LUZP2: variants seen among roughly 807,000 people sequenced by gnomAD.
LUZP2 encodes leucine zipper protein 2.
In LUZP2, 52 loss-of-function variants were observed where a neutral mutation model predicts 51.6. The ratio of observed to expected loss-of-function variants is 1.01; its 90% confidence interval spans 0.81 to 1.27. LUZP2 has a LOEUF of 1.27. Ranked by LOEUF, LUZP2 falls within the 50% of genes most tolerant of loss-of-function variation. The pLI is 0.00. For missense variants in LUZP2, 436 were observed against 395.4 expected, an observed-to-expected ratio of 1.10 and a Z score of -0.87; for synonymous variants, 154 against 137.3, an observed-to-expected ratio of 1.12 and a Z score of -0.85.
At chr11:24,837,941 G>T (rs1210939361) in intron 5 of LUZP2, among the ~76,000 whole-genome samples, 2 of 151,600 alleles carry the variant, frequency 1.3e-5, no homozygotes, top group Non-Finnish European at 3.0e-5. Flanking sequence ...TTTCACAAAT[G>T]GTTGCATGAT....
At chr11:24,984,676 A>G (rs1434861845) in intron 9 of LUZP2, among the ~76,000 whole-genome samples, 2 of 151,016 alleles carry the variant, frequency 1.3e-5, no homozygotes, top group Non-Finnish European at 3.0e-5. Context: ...TGTTTTTATT[A>G]TGGTGCATAC....
At chr11:24,823,424 A>G (rs904092502) in intron 5 of LUZP2, among the ~76,000 whole-genome samples, 1 of 151,968 alleles carries the variant, frequency 6.6e-6, no homozygotes, top group Non-Finnish European at 1.5e-5. Context: ...TGGGCCATAG[A>G]AGACCTTGGA....
At chr11:24,960,542 T>G (rs1293566573) in intron 7 of LUZP2, among the ~76,000 whole-genome samples, 2 of 152,178 alleles carry the variant, frequency 1.3e-5, no homozygotes, top group African/African-American at 4.8e-5. Flanking sequence ...GTAGAGGTGT[T>G]TGTAGTAATC....
chr11:25,066,617 T>TG (rs377543588), intron 10 of LUZP2, among the ~76,000 whole-genome samples: 10 of 151,874 alleles, frequency 6.6e-5, no homozygotes, highest in African/African-American at 2.4e-4. Flanking sequence ...CATATTTGTG[T>TG]GGGGGAGATA....
At chr11:24,567,058 G>A (rs1479644273) in intron 1 of LUZP2, among the ~76,000 whole-genome samples, 2 of 148,156 alleles carry the variant, frequency 1.3e-5, no homozygotes, top group African/African-American at 4.9e-5. Context: ...GGCCAGGATG[G>A]TCTTGATCTC....
At chr11:24,853,991 G>A (rs1825721) in intron 5 of LUZP2, among the ~76,000 whole-genome samples, 151,080 of 152,268 alleles carry the variant, frequency 0.99, 74,957 homozygotes, top group Middle Eastern at 1. Flanking sequence ...TCCCTCTGGA[G>A]GCTTTGTCTC....
intron 5 of LUZP2, among the ~76,000 whole-genome samples, chr11:24,775,754 G>A (rs1448382945): frequency 6.6e-5 from 10 of 152,020 alleles, no homozygotes; most frequent in South Asian, 2.1e-4. Context: ...TCACTTTTTC[G>A]GTTCTCTGAG....
chr11:25,064,339 CT>C (rs1431196365), intron 10 of LUZP2, among the ~76,000 whole-genome samples: 3 of 152,104 alleles, frequency 2.0e-5, no homozygotes, highest in Middle Eastern at 6.8e-3. Flanking sequence ...TATGTATCTA[CT>C]GCTTTATAAT....
chr11:24,780,905 T>C (rs2134073555), intron 5 of LUZP2, among the ~76,000 whole-genome samples: 1 of 152,294 alleles, frequency 6.6e-6, no homozygotes, highest in Middle Eastern at 3.4e-3. Flanking sequence ...GTGAGCTAGC[T>C]AGGCCTTGCC....
chr11:24,719,836 G>A (rs1486753636), intron 1 of LUZP2, among the ~76,000 whole-genome samples: 1 of 152,140 alleles, frequency 6.6e-6, no homozygotes. Flanking sequence ...TGACCAACTG[G>A]TAGATGATCT....
intron 1 of LUZP2, among the ~76,000 whole-genome samples, chr11:24,657,276 A>G (rs985834931): frequency 6.6e-6 from 1 of 152,196 alleles, no homozygotes; most frequent in Non-Finnish European, 1.5e-5. Flanking sequence ...ACAAACTTAT[A>G]TATTAAATGT....
chr11:24,888,756 G>A (rs1486640411), intron 5 of LUZP2, among the ~76,000 whole-genome samples: 1 of 152,122 alleles, frequency 6.6e-6, no homozygotes, highest in Non-Finnish European at 1.5e-5. Flanking sequence ...GGAGAGACCA[G>A]GTGGAGGTAA....
chr11:24,622,203 T>G (rs1854518688), intron 1 of LUZP2, among the ~76,000 whole-genome samples: 1 of 151,698 alleles, frequency 6.6e-6, no homozygotes, highest in Non-Finnish European at 1.5e-5. Flanking sequence ...TATGTATACA[T>G]GTGCCATGTT....
chr11:24,919,783 T>C (rs1463237791), intron 7 of LUZP2, among the ~76,000 whole-genome samples: 1 of 150,908 alleles, frequency 6.6e-6, no homozygotes, highest in African/African-American at 2.4e-5. Context: ...GAAAATTATT[T>C]TAAAATATTA....
intron 9 of LUZP2, among the ~76,000 whole-genome samples, chr11:25,001,031 G>A (rs1856668526): frequency 1.3e-5 from 2 of 152,152 alleles, no homozygotes; most frequent in Non-Finnish European, 2.9e-5. Context: ...TGCGCTGATG[G>A]ACTTGAGCTT....
At chr11:24,794,648 T>C (rs1167895069) in intron 5 of LUZP2, among the ~76,000 whole-genome samples, 1 of 152,182 alleles carries the variant, frequency 6.6e-6, no homozygotes, top group Non-Finnish European at 1.5e-5. Context: ...AATGATTTTG[T>C]ATGCCATAAT....
chr11:24,963,952 A>T (rs796812041), intron 7 of LUZP2, among the ~76,000 whole-genome samples: 3 of 152,296 alleles, frequency 2.0e-5, no homozygotes, highest in African/African-American at 7.2e-5. Flanking sequence ...TATTGTAGAT[A>T]TTGCTGCAAT....
intron 1 of LUZP2, among the ~76,000 whole-genome samples, chr11:24,538,260 C>A (rs1221961591): frequency 6.6e-6 from 1 of 151,544 alleles, no homozygotes; most frequent in Non-Finnish European, 1.5e-5. Flanking sequence ...TAGATATACA[C>A]CTGTAAAAGA....
chr11:25,047,912 G>C (rs2134018287), intron 9 of LUZP2, among the ~76,000 whole-genome samples: 1 of 152,076 alleles, frequency 6.6e-6, no homozygotes, highest in South Asian at 2.1e-4. Flanking sequence ...TAGAATTTCT[G>C]GACTCAAGCC....
Sources: allele counts gnomAD v4.1 joint callset (sites outside exome capture counted in the v4.1 genomes callset), GRCh38; gene constraint gnomAD v4.1.1; transcripts MANE v1.5; gene names NCBI Gene and HGNC (gene_info 2026-07-23, HGNC 2026-07-21).